AP2A2: variants seen among roughly 807,000 people sequenced by gnomAD.
AP2A2 encodes the protein AP-2 complex subunit alpha-2.
AP2A2 carries 32 observed loss-of-function variants against 104.2 expected under a neutral mutation model. The observed-to-expected ratio is 0.31, with a 90% CI of 0.23 to 0.41. The LOEUF is 0.41. Ranked by LOEUF, AP2A2 falls within the 10% of genes least tolerant of loss-of-function variation. The pLI is 1.00. For synonymous variants in AP2A2, 539 were observed against 533.3 expected, an observed-to-expected ratio of 1.01 and a Z score of -0.15; for missense variants, 912 against 1,261.0, an observed-to-expected ratio of 0.72 and a Z score of 4.19.
intron 3 of AP2A2, 57 bp downstream of exon 3, chr11:970,368 G>A: frequency 6.3e-7 from 1 of 1,589,072 alleles, no homozygotes; most frequent in Non-Finnish European, 8.6e-7. Context: ...GCAGGACTGA[G>A]GCCCGGTGCC....
At chr11:984,113 A>T (rs566908812) in intron 6 of AP2A2, among the ~76,000 whole-genome samples, 1 of 152,272 alleles carries the variant, frequency 6.6e-6, no homozygotes, top group Non-Finnish European at 1.5e-5. Context: ...AATGCGAGGT[A>T]GTCGTGATTG....
chr11:935,578 A>G (rs10902234), intron 1 of AP2A2, among the ~76,000 whole-genome samples: 74,387 of 141,596 alleles, frequency 0.53, 19,769 homozygotes, highest in Middle Eastern at 0.68. Context: ...TTGAGATTAC[A>G]AGTGTGAGCC....
At chr11:999,357 C>A (rs1285289005) in intron 14 of AP2A2, among the ~76,000 whole-genome samples, 1 of 152,102 alleles carries the variant, frequency 6.6e-6, no homozygotes, top group Admixed American at 6.6e-5. Context: ...ACTGAAAATA[C>A]AAAAATTAAC....
In AP2A2 at chr11:925,873, A is replaced by G. The variant is rs1367869972; in HGVS notation, c.-149A>G. ...ACGTGCGCGCGCGCGGCGGCCCAGAAAGCGGCGCTGGGACCCTGAGGCGGC... is the reference window on the plus strand; with the variant it reads ...ACGTGCGCGCGCGCGGCGGCCCAGAGAGCGGCGCTGGGACCCTGAGGCGGC... On this transcript the variant is annotated 5_prime_UTR_variant, in exon 1 of 22. Transcript: ENST00000448903. 5.0e-5 allele frequency: 23 copies of G among 458,146 alleles called. No individual in the cohort carries two copies. The highest frequency in any genetic ancestry group is 1.8e-4 in the South Asian group (2 of 10,860). 28.4% of individuals were successfully genotyped at this position (458,146 alleles called of 1,614,324 possible).
At chr11:973,162 CAGTG>C (rs746103193) in intron 4 of AP2A2, among the ~76,000 whole-genome samples, 2 of 152,224 alleles carry the variant, frequency 1.3e-5, no homozygotes, top group African/African-American at 4.8e-5. Flanking sequence ...CCAGACCACA[CAGTG>C]AGGACTGGAG....
At chr11:926,203 G>A in intron 1 of AP2A2, 115 bp downstream of exon 1, 1 of 696,650 alleles carries the variant, frequency 1.4e-6, no homozygotes, top group Non-Finnish European at 1.9e-6. Context: ...GATGCGGGCG[G>A]GGCCCGGGGC....
At chr11:954,552 GTGTT>G (rs1854170671) in intron 1 of AP2A2, among the ~76,000 whole-genome samples, 1 of 152,152 alleles carries the variant, frequency 6.6e-6, no homozygotes, top group South Asian at 2.1e-4. Context: ...GTATTTATGT[GTGTT>G]TGTAAATGTG....
chr11:967,647 A>G (rs1854665810), intron 2 of AP2A2, among the ~76,000 whole-genome samples: 1 of 152,166 alleles, frequency 6.6e-6, no homozygotes, highest in African/African-American at 2.4e-5. Context: ...GGCGTGAGCC[A>G]CCATGCGCGG....
At chr11:966,114 G>T (rs1216621979) in intron 2 of AP2A2, among the ~76,000 whole-genome samples, 2 of 152,204 alleles carry the variant, frequency 1.3e-5, no homozygotes, top group Non-Finnish European at 2.9e-5. Flanking sequence ...CAAAAGTGCT[G>T]GGATTACAGG....
chr11:941,686 C>T (rs1466725946), intron 1 of AP2A2, among the ~76,000 whole-genome samples: 2 of 151,378 alleles, frequency 1.3e-5, no homozygotes, highest in Non-Finnish European at 2.9e-5. Flanking sequence ...CTCCCAGGTT[C>T]AAGCGATTCT....
At chr11:977,399 C>T (rs963725999) in intron 5 of AP2A2, among the ~76,000 whole-genome samples, 175 bp downstream of exon 5, 7 of 151,642 alleles carry the variant, frequency 4.6e-5, no homozygotes, top group Non-Finnish European at 8.8e-5. Context: ...AGTAAGACTC[C>T]GCCTCTGCTC....
intron 1 of AP2A2, among the ~76,000 whole-genome samples, chr11:958,495 G>A (rs891792310): frequency 5.9e-5 from 9 of 152,200 alleles, no homozygotes; most frequent in Non-Finnish European, 1.2e-4. Context: ...TATTTTGATT[G>A]CCATTGGGGA....
chr11:984,932 C>A (rs1399086595), intron 7 of AP2A2, among the ~76,000 whole-genome samples, 179 bp downstream of exon 7: 2 of 152,204 alleles, frequency 1.3e-5, no homozygotes, highest in African/African-American at 4.8e-5. Context: ...TATTGCAGAG[C>A]CTACAGTTTT....
chr11:935,829 C>A (rs1220513362), intron 1 of AP2A2, among the ~76,000 whole-genome samples: 4 of 149,770 alleles, frequency 2.7e-5, no homozygotes, highest in Admixed American at 1.3e-4. Context: ...CTCCCGACCT[C>A]GTGATCCACC....
intron 4 of AP2A2, among the ~76,000 whole-genome samples, chr11:975,677 G>A (rs1855004331): frequency 6.6e-6 from 1 of 151,996 alleles, no homozygotes; most frequent in Non-Finnish European, 1.5e-5. Context: ...ACCTCGGAGA[G>A]TAGCGGTGGG....
At chr11:939,951 C>CTTTTTTTTTTT (rs145184268) in intron 1 of AP2A2, among the ~76,000 whole-genome samples, 1 of 106,060 alleles carries the variant, frequency 9.4e-6, no homozygotes, top group African/African-American at 3.7e-5. Context: ...GTTTTGCTTA[C>CTTTTTTTTTTT]TTTTTTTTTT....
chr11:976,352 C>T (rs1055214434), intron 4 of AP2A2, among the ~76,000 whole-genome samples: 5 of 152,188 alleles, frequency 3.3e-5, no homozygotes, highest in African/African-American at 1.2e-4. Context: ...CAGGTAGTCC[C>T]TATACCCTTT....
At chr11:938,855 A>T (rs1853552487) in intron 1 of AP2A2, among the ~76,000 whole-genome samples, 1 of 152,106 alleles carries the variant, frequency 6.6e-6, no homozygotes, top group Non-Finnish European at 1.5e-5. Flanking sequence ...ATTTTTAGTT[A>T]TTAGGAAGTA....
chr11:955,474 T>C (rs912763868), intron 1 of AP2A2, among the ~76,000 whole-genome samples: 4 of 152,138 alleles, frequency 2.6e-5, no homozygotes, highest in Non-Finnish European at 4.4e-5. Context: ...GCTGAGACGC[T>C]GGGCAGCCTG....
Sources: gnomAD v4.1 joint callset for allele counts (sites outside exome capture counted in the v4.1 genomes callset) on GRCh38, gnomAD v4.1.1 for gene constraint, MANE v1.5 for transcripts, NCBI Gene and HGNC (gene_info 2026-07-23, HGNC 2026-07-21) for gene names.